SCN7A: variants seen among roughly 807,000 people sequenced by gnomAD.
The protein encoded by SCN7A is sodium channel protein type 7 subunit alpha.
Under a neutral mutation model 155.2 loss-of-function variants are expected in SCN7A, and 138 were observed. That is an observed-to-expected ratio of 0.89 (90% CI 0.77 to 1.02). The LOEUF is 1.02. Among genes scored for constraint, SCN7A ranks in the 50% least tolerant of loss-of-function variants. SCN7A has a pLI of 0.00. For missense variants in SCN7A, 2,058 were observed against 1,986.6 expected, an observed-to-expected ratio of 1.04 and a Z score of -0.68; for synonymous variants, 693 against 649.0, an observed-to-expected ratio of 1.07 and a Z score of -1.03.
intron 18 of SCN7A, among the ~76,000 whole-genome samples, chr2:166,427,459 T>C (rs543995929): frequency 1.1e-4 from 17 of 152,062 alleles, no homozygotes; most frequent in African/African-American, 3.9e-4. Context: ...ATCATTAAAA[T>C]GTTTCATACA....
At chr2:166,433,351 A>G (rs936427636) in intron 15 of SCN7A, among the ~76,000 whole-genome samples, 15 of 152,104 alleles carry the variant, frequency 9.9e-5, no homozygotes, top group Admixed American at 5.9e-4. Context: ...AAATTTGACT[A>G]AAAAAGGCTG....
At chr2:166,410,100 C>T (rs1701167017) in intron 24 of SCN7A, 120 bp downstream of exon 24, 1 of 1,101,260 alleles carries the variant, frequency 9.1e-7, no homozygotes, top group Non-Finnish European at 1.3e-6. Flanking sequence ...AACAAAATGA[C>T]CATGAAAAGC....
At chr2:166,414,493 T>C (rs1701316072) in intron 21 of SCN7A, 1 of 137,798 alleles carries the variant, frequency 7.3e-6, no homozygotes, top group Non-Finnish European at 1.5e-5. Context: ...ATATCTCCTA[T>C]CCTATATCAG....
chr2:166,420,445 C>T (rs1009430551), intron 20 of SCN7A, among the ~76,000 whole-genome samples: 4 of 151,924 alleles, frequency 2.6e-5, no homozygotes, highest in African/African-American at 9.7e-5. Flanking sequence ...TACATTTGAA[C>T]GTATTCTCCC....
intron 15 of SCN7A, among the ~76,000 whole-genome samples, chr2:166,439,200 A>G (rs1701905042): frequency 6.6e-6 from 1 of 151,628 alleles, no homozygotes; most frequent in Non-Finnish European, 1.5e-5. Flanking sequence ...TTAGGAAATT[A>G]CACTTATCCT....
At chr2:166,422,654 G>A (rs1042687276) in intron 19 of SCN7A, among the ~76,000 whole-genome samples, 3 of 152,170 alleles carry the variant, frequency 2.0e-5, no homozygotes, top group Non-Finnish European at 4.4e-5. Context: ...CAGGGAATAT[G>A]TTGGATTACA....
intron 11 of SCN7A, among the ~76,000 whole-genome samples, chr2:166,451,266 CACA>C (rs1314278900): frequency 6.6e-5 from 10 of 152,070 alleles, no homozygotes; most frequent in Non-Finnish European, 1.3e-4. Flanking sequence ...ATGAATAAAC[CACA>C]GGTCTGTCTA....
Position 166,475,121 on chromosome 2 carries a change from C to CAT in SCN7A, c.235-779_235-778dup, listed in dbSNP as rs1553520554. On this transcript the variant is annotated intron_variant, in intron 3 of 25. Coordinates refer to ENST00000643258, the MANE Select transcript of SCN7A (RefSeq NM_002976.4). ...ATATATATGTATATATATATATATA[C>CAT]ATATATATATATATATACACACACA... 1.4e-3 allele frequency among the ~76,000 whole-genome samples: 142 copies of CAT among 102,204 alleles called. 5 individuals are homozygous for CAT. The highest frequency in any genetic ancestry group is 2.3e-3 in the African/African-American group (58 of 24,760). The allele number at this position is 102,204 out of a possible 152,430, so 67.0% of individuals were successfully genotyped here. A position where few individuals can be genotyped will look rare whatever the true frequency, so the allele number is the denominator to read the frequency against.
intron 4 of SCN7A, 150 bp downstream of exon 4, chr2:166,474,076 C>T (rs1346817558): frequency 3.9e-6 from 2 of 511,012 alleles, no homozygotes; most frequent in Non-Finnish European, 6.8e-6. Context: ...AAATGTGGAA[C>T]ACTTAATGAA....
At chr2:166,445,991 C>T (rs893105887) in intron 12 of SCN7A, among the ~76,000 whole-genome samples, 3 of 152,020 alleles carry the variant, frequency 2.0e-5, no homozygotes, top group Non-Finnish European at 4.4e-5. Context: ...ACTAAAACAC[C>T]AAAAGCAATG....
Position 166,406,459 on chromosome 2 carries a change from G to A in SCN7A, c.4170C>T (p.Val1390=), listed in dbSNP as rs1701076859. Residue 1390 remains valine (V), a synonymous_variant, in exon 26 of 26, where the codon GTC becomes GTT. Coordinates refer to ENST00000643258, the MANE Select transcript of SCN7A (RefSeq NM_002976.4). Reference sequence around the variant, plus strand: ...TTCCAAATACGGCATAGATGAACATGACCAGGAAGATGAGAAGAATGATGT... The same window carrying A: ...TTCCAAATACGGCATAGATGAACATAACCAGGAAGATGAGAAGAATGATGT... The part of the protein sequence containing the change: ...LLNIILLIFL[V]MFIYAVFGMY... The A allele has an allele frequency of 1.2e-6, 2 of 1,612,822 alleles. No homozygotes were observed. Among genetic ancestry groups the A allele is most frequent in the East Asian group, 4.5e-5 (2 of 44,842 alleles).
chr2:166,460,309 A>G (rs574222687), intron 10 of SCN7A, among the ~76,000 whole-genome samples: 3 of 152,312 alleles, frequency 2.0e-5, no homozygotes, highest in African/African-American at 7.2e-5. Context: ...AACCTGTATT[A>G]TTATAGCATA....
chr2:166,452,448 AGTCT>A (rs1702193991), intron 11 of SCN7A, among the ~76,000 whole-genome samples: 1 of 152,172 alleles, frequency 6.6e-6, no homozygotes, highest in South Asian at 2.1e-4. Flanking sequence ...ATAATTTGAT[AGTCT>A]ATCTATCCAT....
rs771319659 is a variant in SCN7A, at chr2:166,405,778, C to T, written c.4851G>A (p.Thr1617=). ...NPFKITCEPI[T]TTLKRKQEAV... is the part of the protein sequence containing the mutation. ...CCTCTTGTTTTCGTTTCAAAGTAGTCGTAATTGGCTCACATGTGATCTTAA... is the reference window on the plus strand; with the variant it reads ...CCTCTTGTTTTCGTTTCAAAGTAGTTGTAATTGGCTCACATGTGATCTTAA... The change falls in exon 26 of 26, where the codon ACG becomes ACA. Residue 1617 remains threonine (T), a synonymous_variant. Coordinates refer to ENST00000643258, the MANE Select transcript of SCN7A (RefSeq NM_002976.4). The T allele has an allele frequency of 7.4e-6, 12 of 1,612,904 alleles. No individual in the cohort carries two copies. Among genetic ancestry groups the T allele is most frequent in the Non-Finnish European group, 9.3e-6 (11 of 1,179,324 alleles).
At chr2:166,462,340 A>AG (rs1196784472) in intron 10 of SCN7A, 49 bp downstream of exon 10, 3 of 1,510,294 alleles carry the variant, frequency 2.0e-6, no homozygotes, top group African/African-American at 1.4e-5. Context: ...CTTAGAAGCA[A>AG]GGGCATGGTG....
At chr2:166,481,784 G>A (rs1322500877) in intron 2 of SCN7A, among the ~76,000 whole-genome samples, 1 of 152,074 alleles carries the variant, frequency 6.6e-6, no homozygotes, top group Non-Finnish European at 1.5e-5. Flanking sequence ...TAGTTGAGGT[G>A]GAAAAAACTC....
In SCN7A at chr2:166,405,294, C is replaced by G. The variant is rs1350612741; in HGVS notation, c.*286G>C. Reference sequence around the variant, plus strand: ...ATCTCTATCACCACTTCCCTTCATTCCCTAGAAGGCACACATCATATAAGC... The same window carrying G: ...ATCTCTATCACCACTTCCCTTCATTGCCTAGAAGGCACACATCATATAAGC... On this transcript the variant is annotated 3_prime_UTR_variant, in exon 26 of 26. Transcript: ENST00000643258. The G allele has an allele frequency of 1.3e-5, 4 of 304,760 alleles. No homozygotes were observed. Among genetic ancestry groups the G allele is most frequent in the African/African-American group, 8.7e-5 (4 of 46,192 alleles). 18.9% of individuals were successfully genotyped at this position (304,760 alleles called of 1,614,324 possible).
chr2:166,472,461 C>A lies in SCN7A; in HGVS notation c.444-16G>T. 6.4e-7 allele frequency: 1 copy of A among 1,552,026 alleles called. No individual in the cohort carries two copies. The highest frequency in any genetic ancestry group is 1.2e-5 in the South Asian group (1 of 86,696). ...CAAAGTATTCCTGCAGAAATTTTTT[C>A]ATATAAATATTATTGGTGAGAATAA... On this transcript the variant is annotated splice_polypyrimidine_tract_variant and intron_variant, in intron 5 of 25. Coordinates refer to ENST00000643258, the MANE Select transcript of SCN7A (RefSeq NM_002976.4).
chr2:166,406,217 A>G lies in SCN7A; in HGVS notation c.4412T>C (p.Val1471Ala). The G allele has an allele frequency of 6.2e-7, 1 of 1,613,160 alleles. No homozygotes were observed. Among genetic ancestry groups the G allele is most frequent in the Non-Finnish European group, 8.5e-7 (1 of 1,179,522 alleles). The part of the protein sequence containing the change: ...QVRGDCGNPS[V>A]GIFYFVSYIL... ...ATAACTGACAAAATAAAAAATCCCAACAGAGGGGTTCCCACAATCTCCTCT... is the reference window on the plus strand; with the variant it reads ...ATAACTGACAAAATAAAAAATCCCAGCAGAGGGGTTCCCACAATCTCCTCT... Residue 1471 changes from valine (V) to alanine (A), a missense_variant, in exon 26 of 26, where the codon GTT becomes GCT. By Grantham distance (64) the Val-to-Ala change is moderately conservative. Coordinates refer to ENST00000643258, the MANE Select transcript of SCN7A (RefSeq NM_002976.4).
Sources: gnomAD v4.1 joint callset for allele counts (sites outside exome capture counted in the v4.1 genomes callset) on GRCh38, gnomAD v4.1.1 for gene constraint, MANE v1.5 for transcripts, NCBI Gene and HGNC (gene_info 2026-07-23, HGNC 2026-07-21) for gene names.